The following OSTF1 variants were observed in gnomAD, a reference collection of about 807,000 sequenced individuals.
OSTF1 encodes osteoclast stimulating factor 1, also known as osteoclast-stimulating factor 1.
OSTF1 carries 27 observed loss-of-function variants against 37.2 expected under a neutral mutation model. The ratio of observed to expected loss-of-function variants is 0.73; its 90% confidence interval spans 0.54 to 1.00. The LOEUF (loss-of-function observed/expected upper bound fraction) is 1.00, where lower values mean the gene tolerates loss of function less well. Among genes scored for constraint, OSTF1 ranks in the 50% least tolerant of loss-of-function variants. OSTF1 has a pLI of 0.00. For synonymous variants in OSTF1, 82 were observed against 89.2 expected (o/e 0.92, Z 0.46); for missense variants, 232 against 253.8 (o/e 0.91, Z 0.58).
chr9:75,090,131 C>T (rs150390364), intron 1 of OSTF1, among the ~76,000 whole-genome samples: 1 of 152,212 alleles, frequency 6.6e-6, no homozygotes, highest in Non-Finnish European at 1.5e-5. Context: ...CCTTAAGTAT[C>T]TAACAGTGCA....
chr9:75,090,018 A>G (rs1210487733), intron 1 of OSTF1, among the ~76,000 whole-genome samples: 1 of 152,164 alleles, frequency 6.6e-6, no homozygotes. Context: ...GGGCACAGCT[A>G]GAGTTGGGTT....
In OSTF1 at chr9:75,090,271, T is replaced by C. The variant is rs75576060; in HGVS notation, c.34+1545T>C. 4.0e-5 allele frequency among the ~76,000 whole-genome samples: 6 copies of C among 151,652 alleles called. No individual in the cohort carries two copies. The East Asian group carries it at 1.2e-3, about 29-fold the overall frequency. On this transcript the variant is annotated intron_variant, in intron 1 of 9. Coordinates refer to ENST00000346234, the MANE Select transcript of OSTF1 (RefSeq NM_012383.5). ...TCATGCGTATTAAATGCTGTCTATA[T>C]TGCAAATGGAGGGACATTGACAGGT...
chr9:75,113,768 A>T (rs966123128), intron 1 of OSTF1, among the ~76,000 whole-genome samples: 1 of 152,128 alleles, frequency 6.6e-6, no homozygotes, highest in African/African-American at 2.4e-5. Flanking sequence ...AAGCTAATTA[A>T]CATGTGTTAC....
chr9:75,095,958 T>C (rs1248768180), intron 1 of OSTF1, among the ~76,000 whole-genome samples: 2 of 151,972 alleles, frequency 1.3e-5, no homozygotes, highest in South Asian at 2.1e-4. Flanking sequence ...GTGGCGCGAT[T>C]TCGGCTCACT....
intron 5 of OSTF1, among the ~76,000 whole-genome samples, chr9:75,132,346 C>T (rs1360484687): frequency 2.0e-5 from 3 of 152,244 alleles, no homozygotes; most frequent in South Asian, 2.1e-4. Context: ...GACCAAACAA[C>T]GATCAGCCTT....
At chr9:75,095,001 G>A (rs1404960054) in intron 1 of OSTF1, among the ~76,000 whole-genome samples, 2 of 152,194 alleles carry the variant, frequency 1.3e-5, no homozygotes, top group Non-Finnish European at 2.9e-5. Context: ...CTGCACTCCA[G>A]CCTGGGTGAC....
At chr9:75,096,806 C>T (rs1825094923) in intron 1 of OSTF1, among the ~76,000 whole-genome samples, 1 of 152,104 alleles carries the variant, frequency 6.6e-6, no homozygotes, top group Non-Finnish European at 1.5e-5. Context: ...CTGAAAGAAG[C>T]CCCTCTAGGT....
chr9:75,113,936 C>G (rs926621938), intron 1 of OSTF1, among the ~76,000 whole-genome samples: 1 of 152,126 alleles, frequency 6.6e-6, no homozygotes, highest in African/African-American at 2.4e-5. Flanking sequence ...TAACCAGCAT[C>G]CCCCCAAGTC....
intron 1 of OSTF1, among the ~76,000 whole-genome samples, chr9:75,090,191 T>C (rs1824941261): frequency 6.6e-6 from 1 of 152,152 alleles, no homozygotes. Flanking sequence ...TATTTTTTTC[T>C]GATCACCTGC....
At chr9:75,094,956 G>A (rs542033987) in intron 1 of OSTF1, among the ~76,000 whole-genome samples, 2 of 152,290 alleles carry the variant, frequency 1.3e-5, no homozygotes, top group Non-Finnish European at 2.9e-5. Context: ...TGAGGTGGGA[G>A]GATCACTTGA....
chr9:75,132,362 G>C (rs183037234), intron 5 of OSTF1, among the ~76,000 whole-genome samples: 2 of 152,128 alleles, frequency 1.3e-5, no homozygotes, highest in Admixed American at 1.3e-4. Context: ...GCCTTGTCTT[G>C]GGCTTTATTC....
At chr9:75,127,684 A>C in intron 3 of OSTF1, 65 bp downstream of exon 3, 1 of 854,384 alleles carries the variant, frequency 1.2e-6, no homozygotes, top group Non-Finnish European at 1.9e-6. Context: ...ATAACATTGT[A>C]AGTTATTTAA....
rs1489997706 is a variant in OSTF1, at chr9:75,088,541, C to G, written c.-152C>G. ...TCGGCGGAGCCGCTCTGCCTGCGTC[C>G]GCTCTTCCCGCAGCCAAGGGTGGGC... On this transcript the variant is annotated 5_prime_UTR_variant, in exon 1 of 10. Coordinates refer to ENST00000346234, the MANE Select transcript of OSTF1 (RefSeq NM_012383.5). 8 of 803,910 alleles carry G rather than the reference C, an allele frequency of 1.0e-5. No homozygotes were observed. In the East Asian group the frequency reaches 2.2e-4, roughly 22 times the overall value. 49.8% of individuals were successfully genotyped at this position (803,910 alleles called of 1,614,324 possible).
Position 75,128,487 on chromosome 9 carries a change from TATATATATTTTGTCC to T in OSTF1, c.132+877_132+891del, listed in dbSNP as rs1299185885. On this transcript the variant is annotated intron_variant, in intron 3 of 9. Coordinates refer to ENST00000346234, the MANE Select transcript of OSTF1 (RefSeq NM_012383.5). The stretch of plus-strand genomic sequence containing the variant: ...TATATATATTTTGTCCATATATATA[TATATATATTTTGTCC>T]ATATATATATATATATATTTTGTCC... Among the ~76,000 whole-genome samples, 2 of 54,122 alleles carry T rather than the reference TATATATATTTTGTCC, an allele frequency of 3.7e-5. 1 individual carries two copies. Among genetic ancestry groups the T allele is most frequent in the African/African-American group, 1.7e-4 (2 of 11,854 alleles). The allele number at this position is 54,122 out of a possible 152,430, so 35.5% of individuals were successfully genotyped here. A position where few individuals can be genotyped will look rare whatever the true frequency, so the allele number is the denominator to read the frequency against.
intron 1 of OSTF1, among the ~76,000 whole-genome samples, chr9:75,110,341 TGTA>T (rs1285286603): frequency 6.6e-6 from 1 of 152,252 alleles, no homozygotes; most frequent in Non-Finnish European, 1.5e-5. Flanking sequence ...GTTGGAATCA[TGTA>T]GTACATAGCC....
intron 1 of OSTF1, among the ~76,000 whole-genome samples, chr9:75,097,855 T>G (rs1825115745): frequency 6.6e-6 from 1 of 151,430 alleles, no homozygotes; most frequent in Non-Finnish European, 1.5e-5. Flanking sequence ...TGCCTCAGTT[T>G]TTTTTTTTTT....
At chr9:75,125,953 A>G (rs1359008919) in intron 2 of OSTF1, among the ~76,000 whole-genome samples, 1 of 152,204 alleles carries the variant, frequency 6.6e-6, no homozygotes, top group East Asian at 1.9e-4. Flanking sequence ...TCTGTCACTC[A>G]GGCTGGAGTG....
intron 1 of OSTF1, among the ~76,000 whole-genome samples, chr9:75,097,276 G>A (rs148202511): frequency 6.6e-6 from 1 of 152,176 alleles, no homozygotes; most frequent in South Asian, 2.1e-4. Flanking sequence ...TGTGAGGTAG[G>A]AGTCACTACT....
chr9:75,105,387 G>T (rs1462037474), intron 1 of OSTF1, among the ~76,000 whole-genome samples: 2 of 152,178 alleles, frequency 1.3e-5, no homozygotes, highest in Non-Finnish European at 2.9e-5. Context: ...CTCTGCCATG[G>T]TATAATGTGA....
Sources: gnomAD v4.1 joint callset for allele counts (sites outside exome capture counted in the v4.1 genomes callset) on GRCh38, gnomAD v4.1.1 for gene constraint, MANE v1.5 for transcripts, NCBI Gene and HGNC (gene_info 2026-07-23, HGNC 2026-07-21) for gene names.